The following R3HCC1L variants were observed in gnomAD, a reference collection of about 807,000 sequenced individuals.
R3HCC1L encodes the protein coiled-coil domain-containing protein R3HCC1L.
A neutral mutation model predicts 59.9 loss-of-function variants in R3HCC1L; 51 were observed. The observed-to-expected ratio is 0.85, with a 90% confidence interval of 0.68 to 1.07. The LOEUF (loss-of-function observed/expected upper bound fraction) is 1.07, where lower values mean the gene tolerates loss of function less well. Ranked by LOEUF, R3HCC1L falls within the 50% of genes least tolerant of loss-of-function variation. The pLI, the probability that R3HCC1L is intolerant of heterozygous loss-of-function variation, is 0.00. For synonymous variants in R3HCC1L, 322 were observed against 315.2 expected (o/e 1.02, Z -0.23); for missense variants, 965 against 933.0 (o/e 1.03, Z -0.45).
chr10:98,233,098 A>AT (rs1263427074), intron 6 of R3HCC1L, among the ~76,000 whole-genome samples: 3 of 152,180 alleles, frequency 2.0e-5, no homozygotes, highest in East Asian at 1.9e-4. Context: ...TTCATAATAG[A>AT]TTTTTTAAAA....
chr10:98,135,944 T>C (rs1010088414), intron 1 of R3HCC1L, among the ~76,000 whole-genome samples: 5 of 152,208 alleles, frequency 3.3e-5, no homozygotes, highest in Non-Finnish European at 7.3e-5. Context: ...TTTTTTGACA[T>C]TAAGCTTTGA....
At chr10:98,204,027 A>G (rs1852342240) in intron 4 of R3HCC1L, among the ~76,000 whole-genome samples, 1 of 152,222 alleles carries the variant, frequency 6.6e-6, no homozygotes, top group Non-Finnish European at 1.5e-5. Context: ...ATGCACCCCA[A>G]ATAATGGATT....
At chr10:98,204,429 T>A (rs1267251702) in intron 4 of R3HCC1L, among the ~76,000 whole-genome samples, 1 of 151,594 alleles carries the variant, frequency 6.6e-6, no homozygotes, top group Middle Eastern at 3.2e-3. Flanking sequence ...AGAGAGAAGA[T>A]CAAGTGCTAT....
In R3HCC1L at chr10:98,187,540, A is replaced by G. The variant is rs550608434; in HGVS notation, c.-14-20561A>G. ...TGATGGTGGCAGGAAATTATGGTTT[A>G]CAAGAATGAAGTAGGTTTTTTGGAT... On this transcript the variant is annotated intron_variant, in intron 4 of 9. Transcript: ENST00000298999. 5.9e-5 allele frequency among the ~76,000 whole-genome samples: 9 copies of G among 152,248 alleles called. No homozygotes were observed. In the East Asian group the frequency reaches 1.7e-3, roughly 29 times the overall value.
At chr10:98,183,209 C>T (rs551604919) in intron 4 of R3HCC1L, among the ~76,000 whole-genome samples, 1 of 152,302 alleles carries the variant, frequency 6.6e-6, no homozygotes, top group African/African-American at 2.4e-5. Context: ...ATTTCTTCTT[C>T]AATTTGAAAT....
At chr10:98,227,681 A>G (rs1484020227) in intron 5 of R3HCC1L, among the ~76,000 whole-genome samples, 1 of 151,370 alleles carries the variant, frequency 6.6e-6, no homozygotes. Context: ...TGCTGCACCC[A>G]TTAACTCGTC....
intron 1 of R3HCC1L, among the ~76,000 whole-genome samples, chr10:98,140,953 G>A (rs1235539015): frequency 6.6e-6 from 1 of 150,960 alleles, no homozygotes; most frequent in East Asian, 1.9e-4. Context: ...AATTTAAAAG[G>A]AGAACAGAAA....
intron 2 of R3HCC1L, among the ~76,000 whole-genome samples, chr10:98,157,836 G>T (rs1847031443): frequency 6.6e-6 from 1 of 152,088 alleles, no homozygotes; most frequent in African/African-American, 2.4e-5. Flanking sequence ...AGACTAACTG[G>T]ATATTCTTAT....
chr10:98,206,021 T>C (rs1039301972), intron 4 of R3HCC1L, among the ~76,000 whole-genome samples: 4 of 152,318 alleles, frequency 2.6e-5, no homozygotes, highest in African/African-American at 9.6e-5. Flanking sequence ...TACTGACTTC[T>C]GGAGAAACAT....
At chr10:98,140,192 A>ATT (rs1223881521) in intron 1 of R3HCC1L, among the ~76,000 whole-genome samples, 1 of 152,146 alleles carries the variant, frequency 6.6e-6, no homozygotes, top group Non-Finnish European at 1.5e-5. Flanking sequence ...ACTATTAAAG[A>ATT]AAGAAGGGAA....
chr10:98,205,464 T>C (rs1852529881), intron 4 of R3HCC1L, among the ~76,000 whole-genome samples: 1 of 152,196 alleles, frequency 6.6e-6, no homozygotes, highest in South Asian at 2.1e-4. Flanking sequence ...AGTTATTATA[T>C]TGTAACTAAA....
chr10:98,163,756 A>G (rs1414863119), intron 4 of R3HCC1L, among the ~76,000 whole-genome samples: 1 of 152,234 alleles, frequency 6.6e-6, no homozygotes, highest in Non-Finnish European at 1.5e-5. Flanking sequence ...TATAGTGAGC[A>G]GCAAAGATGC....
chr10:98,236,925 G>T (rs186612259), intron 9 of R3HCC1L, among the ~76,000 whole-genome samples: 60 of 152,242 alleles, frequency 3.9e-4, no homozygotes, highest in African/African-American at 1.3e-3. Flanking sequence ...ATCTGTGAAG[G>T]CAATTTATTC....
At chr10:98,154,200 A>G (rs920593565) in intron 1 of R3HCC1L, among the ~76,000 whole-genome samples, 7 of 151,830 alleles carry the variant, frequency 4.6e-5, no homozygotes, top group African/African-American at 1.7e-4. Flanking sequence ...AAAAAAAAAA[A>G]AAAGGAAGAA....
chr10:98,200,950 G>A (rs1236453927), intron 4 of R3HCC1L, among the ~76,000 whole-genome samples: 1 of 152,168 alleles, frequency 6.6e-6, no homozygotes, highest in Non-Finnish European at 1.5e-5. Context: ...CTTACATAGT[G>A]TGTCTTGCAG....
At chr10:98,153,514 C>T (rs1411348431) in intron 1 of R3HCC1L, among the ~76,000 whole-genome samples, 3 of 151,700 alleles carry the variant, frequency 2.0e-5, no homozygotes, top group African/African-American at 7.3e-5. Context: ...AACCAGAGAC[C>T]TTTGTTCACT....
chr10:98,236,019 T>A lies in R3HCC1L; in HGVS notation c.2129-5T>A. The stretch of plus-strand genomic sequence containing the variant: ...CTTCCTACTCCCTTCCTTTCTTCGA[T>A]TCAGAGTTCCTCCAGCCAGCAAAGG... On this transcript the variant is annotated splice_region_variant and splice_polypyrimidine_tract_variant and intron_variant, in intron 8 of 9. Transcript: ENST00000298999. 6.2e-7 allele frequency: 1 copy of A among 1,612,638 alleles called. No homozygotes were observed.
chr10:98,180,619 G>A (rs1170649605), intron 4 of R3HCC1L, among the ~76,000 whole-genome samples: 4 of 152,162 alleles, frequency 2.6e-5, no homozygotes. Context: ...GGATATCCTT[G>A]TTAACCTTCT....
intron 4 of R3HCC1L, among the ~76,000 whole-genome samples, chr10:98,197,273 G>T (rs1851539060): frequency 6.6e-6 from 1 of 151,682 alleles, no homozygotes; most frequent in East Asian, 1.9e-4. Context: ...TCTTGTCCGT[G>T]CCAAAATTGT....
Sources: allele counts gnomAD v4.1 joint callset (sites outside exome capture counted in the v4.1 genomes callset), GRCh38; gene constraint gnomAD v4.1.1; transcripts MANE v1.5; gene names NCBI Gene and HGNC (gene_info 2026-07-23, HGNC 2026-07-21).